The following SLC1A2 variants were observed in gnomAD, a reference collection of about 807,000 sequenced individuals.
SLC1A2 encodes excitatory amino acid transporter 2.
A neutral mutation model predicts 48.8 loss-of-function variants in SLC1A2; 15 were observed. The ratio of observed to expected loss-of-function variants is 0.31; its 90% CI spans 0.21 to 0.47. The LOEUF is 0.47. Ranked by LOEUF, SLC1A2 falls within the 20% of genes least tolerant of loss-of-function variation. SLC1A2 has a pLI of 0.99. For missense variants in SLC1A2, 502 were observed against 730.5 expected (o/e 0.69, Z 3.61); for synonymous variants, 279 against 272.6 (o/e 1.02, Z -0.23).
Position 35,286,893 on chromosome 11 carries a change from G to A in SLC1A2, c.1150C>T (p.Arg384Cys), listed in dbSNP as rs145275821. Residue 384 changes from arginine to cysteine, a missense_variant, in exon 8 of 11, where the codon CGT (arginine) becomes TGT (cysteine). Coordinates refer to ENST00000278379, the MANE Select transcript of SLC1A2 (RefSeq NM_004171.4). ...CLEENLGIDK[R>C]VTRFVLPVGA... The stretch of plus-strand genomic sequence containing the variant: ...ACAGGAAGGACGAATCTAGTCACAC[G>A]CTTATCAATCCCCAGATTTTCTTCC... 5 of 1,614,052 alleles carry A rather than the reference G, an allele frequency of 3.1e-6. No individual in the cohort carries two copies. Among genetic ancestry groups the A allele is most frequent in the East Asian group, 2.2e-5 (1 of 44,884 alleles).
chr11:35,251,885 T>C lies in SLC1A2; in HGVS notation c.*9009A>G, dbSNP rs1950243895. ...GAGGAGAAAGGGGTTACAGGAACTA[T>C]AGACCTCACAGCATTGTATTTAGCG... On this transcript the variant is annotated 3_prime_UTR_variant, in exon 11 of 11. Coordinates refer to ENST00000278379, the MANE Select transcript of SLC1A2 (RefSeq NM_004171.4). The C allele has an allele frequency of 1.3e-5, 2 of 152,654 alleles. No individual in the cohort carries two copies. Among genetic ancestry groups the C allele is most frequent in the Admixed American group, 1.3e-4 (2 of 15,276 alleles). 9.5% of individuals were successfully genotyped at this position (152,654 alleles called of 1,614,324 possible). A position where few individuals can be genotyped will look rare whatever the true frequency, so the allele number is the denominator to read the frequency against.
At chr11:35,292,553 A>T in intron 6 of SLC1A2, 33 bp from the exon 7 acceptor site, 2 of 1,382,192 alleles carry the variant, frequency 1.4e-6, no homozygotes, top group Non-Finnish European at 2.0e-6. Flanking sequence ...ACAGCATTGA[A>T]GAGATCATTA....
chr11:35,301,637 C>A lies in SLC1A2; in HGVS notation c.739G>T (p.Gly247Trp). Residue 247 changes from glycine (G) to tryptophan (W), a missense_variant, in exon 6 of 11, where the codon GGG (glycine) becomes TGG (tryptophan). Gly to Trp is a radical substitution (Grantham distance 184). Transcript: ENST00000278379. ...KDGMNVLGLI[G>W]FFIAFGIAMG... ...GCGATGCCAAAAGCAATGAAAAACC[C>A]TATCAGACCTGTTGGATGAATCACA... 2 of 1,613,702 alleles carry A rather than the reference C, an allele frequency of 1.2e-6. No homozygotes were observed. Among genetic ancestry groups the A allele is most frequent in the Non-Finnish European group, 1.7e-6 (2 of 1,179,770 alleles).
At chr11:35,330,460 T>C (rs528260084) in intron 1 of SLC1A2, among the ~76,000 whole-genome samples, 1 of 152,352 alleles carries the variant, frequency 6.6e-6, no homozygotes, top group African/African-American at 2.4e-5. Context: ...ATTGACTTTT[T>C]ATTCTGTACC....
chr11:35,369,452 A>G (rs1853982173), intron 1 of SLC1A2, among the ~76,000 whole-genome samples: 1 of 152,188 alleles, frequency 6.6e-6, no homozygotes, highest in Non-Finnish European at 1.5e-5. Flanking sequence ...CCCACTCCCC[A>G]GCTGAAGCAA....
intron 1 of SLC1A2, among the ~76,000 whole-genome samples, chr11:35,406,909 T>C (rs1472125642): frequency 1.3e-5 from 2 of 152,140 alleles, no homozygotes; most frequent in Non-Finnish European, 2.9e-5. Flanking sequence ...ACATGTGCTA[T>C]GCAAATATCC....
chr11:35,292,468 T>G lies in SLC1A2; in HGVS notation c.910A>C (p.Lys304Gln). 4 of 1,613,802 alleles carry G rather than the reference T, an allele frequency of 2.5e-6. No individual in the cohort carries two copies. The highest frequency in any genetic ancestry group is 3.4e-6 in the Non-Finnish European group (4 of 1,179,858). ...TGCCTAGCAACCACTTCTAAGTCCT[T>G]GATTGCAATGATCTTTCCACAGATC... ...CLICGKIIAI[K>Q]DLEVVARQLG... is the part of the protein sequence containing the mutation. Residue 304 changes from lysine to glutamine, a missense_variant, in exon 7 of 11, where the codon AAG (lysine) becomes CAG (glutamine). Around this residue, in one of 4 missense-constraint regions of SLC1A2, gnomAD observed 309 missense variants for 480.3 expected, o/e 0.64. Coordinates refer to ENST00000278379, the MANE Select transcript of SLC1A2 (RefSeq NM_004171.4).
At chr11:35,295,136 C>T (rs545289805) in intron 6 of SLC1A2, among the ~76,000 whole-genome samples, 2 of 152,132 alleles carry the variant, frequency 1.3e-5, no homozygotes, top group African/African-American at 2.4e-5. Context: ...TAACCTTGAC[C>T]TCCTGGGCTC....
chr11:35,401,880 C>T (rs1297652186), intron 1 of SLC1A2, among the ~76,000 whole-genome samples: 4 of 152,186 alleles, frequency 2.6e-5, no homozygotes, highest in Non-Finnish European at 5.9e-5. Flanking sequence ...CCACCCCCTA[C>T]TTCCAAGGCT....
At chr11:35,337,983 A>G (rs1257949132) in intron 1 of SLC1A2, among the ~76,000 whole-genome samples, 2 of 152,236 alleles carry the variant, frequency 1.3e-5, no homozygotes, top group African/African-American at 4.8e-5. Context: ...ACAATATAAT[A>G]ATAACTAGCA....
At chr11:35,398,763 C>A (rs77109469) in intron 1 of SLC1A2, among the ~76,000 whole-genome samples, 7 of 152,160 alleles carry the variant, frequency 4.6e-5, no homozygotes, top group Non-Finnish European at 1.0e-4. Context: ...TCATAGGATA[C>A]AAAGCCTACA....
chr11:35,405,857 A>C lies in SLC1A2; in HGVS notation c.17+13093T>G, dbSNP rs577613363. Among the ~76,000 whole-genome samples, 54 of 152,318 alleles carry C rather than the reference A, an allele frequency of 3.5e-4. 1 individual carries two copies. The highest frequency in any genetic ancestry group is 1.2e-3 in the African/African-American group (51 of 41,580). Reference sequence around the variant, plus strand: ...TCAATTGACCACCAGAACCTTACCAAGATGACCATGACCCAACAAGCAAAA... The same window carrying C: ...TCAATTGACCACCAGAACCTTACCACGATGACCATGACCCAACAAGCAAAA... On this transcript the variant is annotated intron_variant, in intron 1 of 10. Transcript: ENST00000278379.
intron 8 of SLC1A2, among the ~76,000 whole-genome samples, chr11:35,282,201 C>G (rs937852645): frequency 6.6e-6 from 1 of 152,134 alleles, no homozygotes; most frequent in Non-Finnish European, 1.5e-5. Flanking sequence ...CAACCACACC[C>G]TTCCCCTCCC....
intron 1 of SLC1A2, among the ~76,000 whole-genome samples, chr11:35,375,171 A>AT (rs1329982541): frequency 6.6e-6 from 1 of 152,196 alleles, no homozygotes; most frequent in African/African-American, 2.4e-5. Flanking sequence ...AAAAATAAAA[A>AT]TAATAAAGTA....
chr11:35,367,265 A>G (rs537540112), intron 1 of SLC1A2, among the ~76,000 whole-genome samples: 1 of 152,240 alleles, frequency 6.6e-6, no homozygotes, highest in Non-Finnish European at 1.5e-5. Flanking sequence ...GGGCCAGTTC[A>G]TGCCTGGTGG....
intron 1 of SLC1A2, among the ~76,000 whole-genome samples, chr11:35,329,974 A>G (rs943307987): frequency 6.6e-6 from 1 of 152,200 alleles, no homozygotes; most frequent in Non-Finnish European, 1.5e-5. Flanking sequence ...CCTTCTTTAT[A>G]GATGAAAAAC....
At chr11:35,318,064 A>T (rs1231536285) in intron 1 of SLC1A2, among the ~76,000 whole-genome samples, 2 of 152,228 alleles carry the variant, frequency 1.3e-5, no homozygotes, top group Admixed American at 1.3e-4. Flanking sequence ...CTAGTAAAAA[A>T]ATAATAATAA....
At chr11:35,383,733 G>C (rs1854503733) in intron 1 of SLC1A2, among the ~76,000 whole-genome samples, 1 of 152,198 alleles carries the variant, frequency 6.6e-6, no homozygotes, top group Non-Finnish European at 1.5e-5. Flanking sequence ...CCACCCAAGA[G>C]CAAATACCCT....
intron 1 of SLC1A2, among the ~76,000 whole-genome samples, chr11:35,353,088 T>A (rs1032966393): frequency 6.6e-6 from 1 of 152,230 alleles, no homozygotes; most frequent in Non-Finnish European, 1.5e-5. Flanking sequence ...ATGCATATTA[T>A]AGTCAATATC....
Sources: gnomAD v4.1 joint callset for allele counts (sites outside exome capture counted in the v4.1 genomes callset) on GRCh38, gnomAD v4.1.1 for gene constraint, gnomAD v4.1.1 regional missense constraint, MANE v1.5 for transcripts, NCBI Gene and HGNC (gene_info 2026-07-23, HGNC 2026-07-21) for gene names.